CDH13: variants seen among roughly 807,000 people sequenced by gnomAD.
CDH13 encodes cadherin-13.
A neutral mutation model predicts 63.8 loss-of-function variants in CDH13; 24 were observed. The ratio of observed to expected loss-of-function variants is 0.38; its 90% confidence interval spans 0.27 to 0.53. The LOEUF is 0.53. Ranked by LOEUF, CDH13 falls within the 20% of genes least tolerant of loss-of-function variation. The pLI is 0.85. For synonymous variants in CDH13, 503 were observed against 355.3 expected (o/e 1.42, Z -4.67); for missense variants, 1,049 against 903.1 (o/e 1.16, Z -2.07).
intron 4 of CDH13, among the ~76,000 whole-genome samples, chr16:83,147,203 A>G (rs1423192131): frequency 6.6e-6 from 1 of 152,222 alleles, no homozygotes; most frequent in African/African-American, 2.4e-5. Context: ...GTGATCAGAC[A>G]TCACCAACTG....
intron 1 of CDH13, among the ~76,000 whole-genome samples, chr16:82,665,084 T>G (rs1158497549): frequency 6.6e-6 from 1 of 152,214 alleles, no homozygotes; most frequent in Non-Finnish European, 1.5e-5. Context: ...TGTATATGCT[T>G]CCAGGTGCAT....
chr16:83,464,315 C>T (rs976762179), intron 6 of CDH13, among the ~76,000 whole-genome samples: 2 of 151,376 alleles, frequency 1.3e-5, no homozygotes, highest in Non-Finnish European at 2.9e-5. Flanking sequence ...GAGTTCAAGA[C>T]CAGCCTGGCC....
chr16:83,335,805 G>A (rs916704642), intron 5 of CDH13, among the ~76,000 whole-genome samples: 2 of 152,156 alleles, frequency 1.3e-5, no homozygotes, highest in East Asian at 3.9e-4. Flanking sequence ...TTGCTCAATC[G>A]ATCACGACCC....
At chr16:83,678,774 T>C (rs995210899) in intron 10 of CDH13, among the ~76,000 whole-genome samples, 3 of 152,196 alleles carry the variant, frequency 2.0e-5, no homozygotes, top group Non-Finnish European at 2.9e-5. Flanking sequence ...AGGGAGCCAC[T>C]CTGGGTGACC....
chr16:83,175,149 A>T (rs1266782208), intron 4 of CDH13, among the ~76,000 whole-genome samples: 1 of 152,068 alleles, frequency 6.6e-6, no homozygotes, highest in Non-Finnish European at 1.5e-5. Context: ...TCATCATAGA[A>T]AGCTCTCTTG....
intron 3 of CDH13, among the ~76,000 whole-genome samples, chr16:83,035,723 T>C (rs901201506): frequency 6.6e-6 from 1 of 152,128 alleles, no homozygotes; most frequent in African/African-American, 2.4e-5. Context: ...CTTCATGGTG[T>C]TTCTCTTCTA....
At position 83,453,454 on chromosome 16, in the gene CDH13, A is replaced by G. The variant is rs554236403; in HGVS notation, c.782-33023A>G. 7.3e-4 allele frequency among the ~76,000 whole-genome samples: 111 copies of G among 152,360 alleles called. 1 individual carries two copies. The South Asian group carries it at 0.017, about 23-fold the overall frequency. On this transcript the variant is annotated intron_variant, in intron 6 of 13. Transcript: ENST00000567109. ...ACACCCCACACAGGATTGTTGAAAG[A>G]AACAAAAGAAAATATTATTTAAAAA...
intron 4 of CDH13, among the ~76,000 whole-genome samples, chr16:83,153,708 C>T (rs541791639): frequency 2.1e-4 from 32 of 152,252 alleles, no homozygotes; most frequent in African/African-American, 4.6e-4. Context: ...AACAGATTCT[C>T]CCTTAGAGAC....
At chr16:83,653,848 T>C (rs886472489) in intron 8 of CDH13, among the ~76,000 whole-genome samples, 1 of 152,228 alleles carries the variant, frequency 6.6e-6, no homozygotes, top group African/African-American at 2.4e-5. Context: ...TCCGCTGCTG[T>C]GTCCGGCATT....
intron 5 of CDH13, among the ~76,000 whole-genome samples, chr16:83,323,070 G>A (rs1437457281): frequency 6.6e-6 from 1 of 151,934 alleles, no homozygotes; most frequent in Non-Finnish European, 1.5e-5. Flanking sequence ...TGAGCGAATG[G>A]AGGTGGTGGT....
At chr16:83,313,234 G>A (rs923513160) in intron 5 of CDH13, among the ~76,000 whole-genome samples, 1 of 152,188 alleles carries the variant, frequency 6.6e-6, no homozygotes, top group South Asian at 2.1e-4. Context: ...TGAATTCTGA[G>A]TGACTGGCAG....
At chr16:83,497,861 C>G (rs1382911042) in intron 7 of CDH13, among the ~76,000 whole-genome samples, 2 of 152,160 alleles carry the variant, frequency 1.3e-5, no homozygotes, top group Non-Finnish European at 2.9e-5. Flanking sequence ...AGTCCACTCT[C>G]AAAATATTAA....
intron 2 of CDH13, among the ~76,000 whole-genome samples, chr16:82,901,324 C>CTG (rs61370328): frequency 0.15 from 19,752 of 130,192 alleles, 1,506 homozygotes; most frequent in African/African-American, 0.21. Context: ...TAGTATTCTC[C>CTG]TGTGTGTGTG....
intron 1 of CDH13, among the ~76,000 whole-genome samples, chr16:82,792,315 T>G (rs2036350888): frequency 6.6e-6 from 1 of 152,180 alleles, no homozygotes; most frequent in Non-Finnish European, 1.5e-5. Context: ...TCTCGCTTGC[T>G]TGGAAAATAC....
At chr16:83,332,902 A>G (rs11642167) in intron 5 of CDH13, among the ~76,000 whole-genome samples, 3 of 152,196 alleles carry the variant, frequency 2.0e-5, no homozygotes, top group African/African-American at 2.4e-5. Context: ...TGTTTTCATT[A>G]TGTTTGATGA....
chr16:83,644,997 C>G (rs1036519536), intron 8 of CDH13, among the ~76,000 whole-genome samples: 1 of 152,214 alleles, frequency 6.6e-6, no homozygotes. Context: ...GCTCCCCACT[C>G]TTGAACCTAA....
At chr16:82,721,349 C>T (rs1236599949) in intron 1 of CDH13, among the ~76,000 whole-genome samples, 1 of 152,066 alleles carries the variant, frequency 6.6e-6, no homozygotes, top group African/African-American at 2.4e-5. Context: ...TCAATTCTGC[C>T]TTGGGGCCCA....
At chr16:83,036,805 A>C (rs1440042075) in intron 3 of CDH13, among the ~76,000 whole-genome samples, 4 of 152,168 alleles carry the variant, frequency 2.6e-5, no homozygotes, top group Non-Finnish European at 5.9e-5. Flanking sequence ...GGAAATCTGC[A>C]GTTCCCGGAG....
intron 2 of CDH13, among the ~76,000 whole-genome samples, chr16:82,894,759 C>T (rs761896029): frequency 2.1e-4 from 32 of 152,318 alleles, no homozygotes; most frequent in South Asian, 4.1e-4. Flanking sequence ...AGCATGGCCA[C>T]GGCAGGCCTT....
Sources: gnomAD v4.1 joint callset for allele counts (sites outside exome capture counted in the v4.1 genomes callset) on GRCh38, gnomAD v4.1.1 for gene constraint, MANE v1.5 for transcripts, NCBI Gene and HGNC (gene_info 2026-07-23, HGNC 2026-07-21) for gene names.